The following UBP1 variants were observed in gnomAD, a reference collection of about 807,000 sequenced individuals.
UBP1 encodes upstream binding protein 1.
A neutral mutation model predicts 76.1 loss-of-function variants in UBP1; 22 were observed. The observed-to-expected ratio is 0.29, with a 90% confidence interval of 0.21 to 0.41. The LOEUF (loss-of-function observed/expected upper bound fraction) is 0.41, where lower values mean the gene tolerates loss of function less well. UBP1 is among the 10% of genes least tolerant of loss of function. The pLI is 1.00. For missense variants in UBP1, 436 were observed against 668.1 expected (o/e 0.65, Z 3.83); for synonymous variants, 224 against 237.1 (o/e 0.94, Z 0.51).
intron 1 of UBP1, among the ~76,000 whole-genome samples, chr3:33,435,965 T>C (rs1488840315): frequency 6.6e-6 from 1 of 152,224 alleles, no homozygotes; most frequent in Non-Finnish European, 1.5e-5. Flanking sequence ...CCAAGATATA[T>C]ATCACCTACT....
intron 1 of UBP1, among the ~76,000 whole-genome samples, chr3:33,435,236 T>C (rs190363943): frequency 6.6e-6 from 1 of 152,302 alleles, no homozygotes. Context: ...ACCTTGAAAT[T>C]AGAAGTTTTA....
intron 2 of UBP1, 33 bp from the exon 3 acceptor site, chr3:33,416,867 C>A: frequency 6.5e-7 from 1 of 1,540,646 alleles, no homozygotes; most frequent in South Asian, 1.1e-5. Context: ...AAAAACAATC[C>A]TTATAAAGAA....
At chr3:33,425,452 C>T (rs1366077486) in intron 2 of UBP1, 138 bp downstream of exon 2, 28 of 962,126 alleles carry the variant, frequency 2.9e-5, no homozygotes, top group African/African-American at 1.6e-5. Flanking sequence ...AAAATTCCTA[C>T]AATTTTCATT....
At position 33,411,672 on chromosome 3, in the gene UBP1, A is replaced by C; in HGVS notation, c.464T>G (p.Val155Gly). The C allele has an allele frequency of 6.2e-7, 1 of 1,614,016 alleles. No homozygotes were observed. The highest frequency in any genetic ancestry group is 8.5e-7 in the Non-Finnish European group (1 of 1,179,906). Reference protein sequence around the residue: ...RLLDLDIPMSVGIIDTRTNPS... With the variant: ...RLLDLDIPMSGGIIDTRTNPS... ...ATTCGTCCTTGTGTCAATTATTCCC[A>C]CAGACATTGGAATATCTATGTTTTA... Residue 155 changes from valine (V) to glycine (G), a missense_variant, in exon 5 of 16, where the codon GTG becomes GGG. By Grantham distance (109) the Val-to-Gly change is moderately radical (BLOSUM62 -3). This residue lies in a region of UBP1 where 161 missense variants were observed against 237.9 expected (regional missense o/e 0.68). Transcript: ENST00000283629.
intron 1 of UBP1, among the ~76,000 whole-genome samples, chr3:33,426,524 T>C (rs988387281): frequency 1.2e-4 from 19 of 152,214 alleles, no homozygotes; most frequent in Admixed American, 1.0e-3. Flanking sequence ...TATCTAATTC[T>C]TGAATTCCAA....
intron 13 of UBP1, 41 bp from the exon 14 acceptor site, chr3:33,393,495 A>G (rs774152385): frequency 2.5e-6 from 4 of 1,572,162 alleles, no homozygotes; most frequent in African/African-American, 1.4e-5. Flanking sequence ...TTTAACAGTA[A>G]TCTTTGATCT....
In UBP1 at chr3:33,439,862, C is replaced by A. The variant is rs1167358489; in HGVS notation, c.-14G>T. ...CACCCAGGCCATCTTCCGGCCTCGC[C>A]GTCGCCCCGCACACCGCGGCCTCCG... On this transcript the variant is annotated 5_prime_UTR_variant, in exon 1 of 16. Transcript: ENST00000283629. 3.7e-6 allele frequency: 6 copies of A among 1,610,576 alleles called. No individual in the cohort carries two copies. The African/African-American group carries it at 8.0e-5, about 22-fold the overall frequency.
rs537310807 is a variant in UBP1, at chr3:33,390,002, G to A, written c.*329C>T. 32 of 278,044 alleles carry A rather than the reference G, an allele frequency of 1.2e-4. No individual in the cohort carries two copies. In the East Asian group the frequency reaches 1.4e-3, roughly 12 times the overall value. 17.2% of individuals were successfully genotyped at this position (278,044 alleles called of 1,614,324 possible). Reference sequence around the variant, plus strand: ...AAGTTTCTACATTCATTTCCAAACCGCATACAGTGTAAAAAGACAGCAAAG... The same window carrying A: ...AAGTTTCTACATTCATTTCCAAACCACATACAGTGTAAAAAGACAGCAAAG... On this transcript the variant is annotated 3_prime_UTR_variant, in exon 16 of 16. Transcript: ENST00000283629.
intron 2 of UBP1, among the ~76,000 whole-genome samples, chr3:33,420,488 C>CATT: frequency 8.3e-6 from 1 of 120,634 alleles, no homozygotes; most frequent in Middle Eastern, 4.1e-3. Context: ...ACCATACTGG[C>CATT]TTTTTTTTTT....
At chr3:33,420,401 C>T (rs943475345) in intron 2 of UBP1, among the ~76,000 whole-genome samples, 31 of 152,020 alleles carry the variant, frequency 2.0e-4, no homozygotes, top group African/African-American at 7.0e-4. Context: ...TCTGGGCTCA[C>T]TGCAACCTCC....
Position 33,390,038 on chromosome 3 carries a change from G to A in UBP1, c.*293C>T, listed in dbSNP as rs1333564380. ...AAAAAGACAGCAAAGGCTGCTTCTA[G>A]GAACTGTATTTACTGGCCTCTGCCA... is the stretch of plus-strand genomic sequence containing the variant. On this transcript the variant is annotated 3_prime_UTR_variant, in exon 16 of 16. Coordinates refer to ENST00000283629, the MANE Select transcript of UBP1 (RefSeq NM_014517.5). 2.7e-6 allele frequency: 1 copy of A among 375,292 alleles called. No individual in the cohort carries two copies. The highest frequency in any genetic ancestry group is 2.0e-5 in the African/African-American group (1 of 48,934). The allele number at this position is 375,292 out of a possible 1,614,324, so 23.2% of individuals were successfully genotyped here.
At position 33,423,784 on chromosome 3, in the gene UBP1, G is replaced by A. The variant is rs984771898; in HGVS notation, c.265+1806C>T. ...AATAAATCTCTCCTAGAGTTACTGT[G>A]AGAACTGAATAAGGTTAACACATGT... On this transcript the variant is annotated intron_variant, in intron 2 of 15. Transcript: ENST00000283629. 6.6e-5 allele frequency among the ~76,000 whole-genome samples: 10 copies of A among 152,182 alleles called. 1 individual carries two copies. Among genetic ancestry groups the A allele is most frequent in the Admixed American group, 6.5e-4 (10 of 15,286 alleles).
chr3:33,432,050 G>A (rs1409426327), intron 1 of UBP1, among the ~76,000 whole-genome samples: 4 of 152,168 alleles, frequency 2.6e-5, no homozygotes, highest in Non-Finnish European at 4.4e-5. Context: ...AAAACTGGCT[G>A]GGTGCAGTGG....
At chr3:33,433,302 C>T (rs2045145112) in intron 1 of UBP1, among the ~76,000 whole-genome samples, 1 of 146,802 alleles carries the variant, frequency 6.8e-6, no homozygotes, top group Admixed American at 6.9e-5. Context: ...CTCAAGAGAT[C>T]CACCCACCTC....
At chr3:33,395,766 A>AG (rs1199777463) in intron 13 of UBP1, among the ~76,000 whole-genome samples, 2 of 151,238 alleles carry the variant, frequency 1.3e-5, no homozygotes, top group South Asian at 2.1e-4. Flanking sequence ...AAAAAAAAAA[A>AG]AAAAAAAGAA....
At chr3:33,420,314 G>A (rs900946871) in intron 2 of UBP1, among the ~76,000 whole-genome samples, 1 of 151,766 alleles carries the variant, frequency 6.6e-6, no homozygotes, top group Non-Finnish European at 1.5e-5. Flanking sequence ...ACTTATAGCT[G>A]TACTTTATTA....
intron 1 of UBP1, 38 bp downstream of exon 1, chr3:33,439,698 G>A (rs1316578386): frequency 6.2e-7 from 1 of 1,603,494 alleles, no homozygotes; most frequent in Non-Finnish European, 8.5e-7. Context: ...CCTTCCCCAA[G>A]GAGACAGAGG....
At chr3:33,416,327 T>C (rs1451153538) in intron 3 of UBP1, among the ~76,000 whole-genome samples, 1 of 152,212 alleles carries the variant, frequency 6.6e-6, no homozygotes, top group Non-Finnish European at 1.5e-5. Flanking sequence ...GGAAAACAGC[T>C]ATGCCTCCTA....
At chr3:33,397,984 T>C (rs1181918312) in intron 11 of UBP1, 2 of 152,326 alleles carry the variant, frequency 1.3e-5, no homozygotes, top group Admixed American at 6.5e-5. Flanking sequence ...ATCTAGGATT[T>C]GCTTTGAAAT....
Sources: gnomAD v4.1 joint callset for allele counts (sites outside exome capture counted in the v4.1 genomes callset) on GRCh38, gnomAD v4.1.1 for gene constraint, gnomAD v4.1.1 regional missense constraint, MANE v1.5 for transcripts, NCBI Gene and HGNC (gene_info 2026-07-23, HGNC 2026-07-21) for gene names.